Variants in FBXW7 observed in about 807,000 individuals in gnomAD.
FBXW7 encodes F-box/WD repeat-containing protein 7.
Under a neutral mutation model 86.3 loss-of-function variants are expected in FBXW7, and 11 were observed. The observed-to-expected ratio is 0.13, with a 90% confidence interval of 0.08 to 0.21. The LOEUF (loss-of-function observed/expected upper bound fraction) is 0.21. FBXW7 is among the 10% of genes least tolerant of loss of function. FBXW7 has a pLI of 1.00. For synonymous variants in FBXW7, 313 were observed against 297.9 expected (o/e 1.05, Z -0.52); for missense variants, 488 against 847.4 (o/e 0.58, Z 5.27).
chr4:152,392,339 T>A (rs1736062314), intron 4 of FBXW7, among the ~76,000 whole-genome samples: 1 of 152,140 alleles, frequency 6.6e-6, no homozygotes, highest in Non-Finnish European at 1.5e-5. Flanking sequence ...AGCTTCCACC[T>A]TGCTTGCTGG....
At chr4:152,368,396 CGTGTGTGCGGATGCATGCATGTGT>C (rs2126726297) in intron 4 of FBXW7, among the ~76,000 whole-genome samples, 1 of 151,922 alleles carries the variant, frequency 6.6e-6, no homozygotes, top group East Asian at 1.9e-4. Flanking sequence ...GTGGGATGCC[CGTGTGTGCGGATGCATGCATGTGT>C]GTGTGTTAAA....
At chr4:152,368,195 G>A (rs1733671755) in intron 4 of FBXW7, among the ~76,000 whole-genome samples, 1 of 152,040 alleles carries the variant, frequency 6.6e-6, no homozygotes, top group Non-Finnish European at 1.5e-5. Context: ...ACTTCTGCCT[G>A]TTTCCTTCTC....
At chr4:152,513,574 A>T (rs1394256622) in intron 2 of FBXW7, among the ~76,000 whole-genome samples, 1 of 152,252 alleles carries the variant, frequency 6.6e-6, no homozygotes, top group African/African-American at 2.4e-5. Flanking sequence ...CTTTGATTTT[A>T]AAAAGCAACA....
At chr4:152,514,335 T>C (rs1748261737) in intron 2 of FBXW7, among the ~76,000 whole-genome samples, 2 of 152,150 alleles carry the variant, frequency 1.3e-5, no homozygotes, top group African/African-American at 4.8e-5. Flanking sequence ...CCAAGGAGCA[T>C]GAAACAAGTG....
intron 6 of FBXW7, among the ~76,000 whole-genome samples, chr4:152,338,553 A>G (rs1009132058): frequency 1.3e-5 from 2 of 152,118 alleles, no homozygotes; most frequent in Non-Finnish European, 1.5e-5. Flanking sequence ...ATGAGAATAT[A>G]AACAAAGGCC....
At chr4:152,472,903 A>C (rs1245488172) in intron 2 of FBXW7, among the ~76,000 whole-genome samples, 1 of 152,198 alleles carries the variant, frequency 6.6e-6, no homozygotes, top group Non-Finnish European at 1.5e-5. Context: ...TATTTATTAT[A>C]TAAAGGTAAA....
intron 4 of FBXW7, among the ~76,000 whole-genome samples, chr4:152,374,183 C>T (rs1420341500): frequency 6.6e-6 from 1 of 151,926 alleles, no homozygotes; most frequent in Non-Finnish European, 1.5e-5. Context: ...AACCCCACCA[C>T]AAAACAGGTA....
intron 2 of FBXW7, among the ~76,000 whole-genome samples, chr4:152,477,210 T>C (rs565473135): frequency 2.6e-5 from 4 of 152,228 alleles, no homozygotes; most frequent in Admixed American, 2.0e-4. Context: ...GGGTAAAATG[T>C]CAAGATTCTT....
At chr4:152,464,238 T>C (rs1401679401) in intron 2 of FBXW7, among the ~76,000 whole-genome samples, 1 of 152,062 alleles carries the variant, frequency 6.6e-6, no homozygotes, top group Non-Finnish European at 1.5e-5. Context: ...TATAACAACC[T>C]TGGAGATAAT....
Position 152,535,944 on chromosome 4 carries a change from G to A in FBXW7, c.-1030C>T. On this transcript the variant is annotated 5_prime_UTR_variant, in exon 1 of 14. Transcript: ENST00000281708. ...CCCAGGTGAGAGCGAAGGTCTCGGC[G>A]GCGGCCAGTGCAGGGGGACTGGATC... 1 of 303,314 alleles carries A rather than the reference G, an allele frequency of 3.3e-6. No individual in the cohort carries two copies. Among genetic ancestry groups the A allele is most frequent in the South Asian group, 1.0e-4 (1 of 9,942 alleles). The allele number at this position is 303,314 out of a possible 1,614,324, so 18.8% of individuals were successfully genotyped here.
In FBXW7 at chr4:152,349,191, T is replaced by C. The variant is rs985294983; in HGVS notation, c.584+851A>G. On this transcript the variant is annotated intron_variant, in intron 5 of 13. Transcript: ENST00000281708. ...ATCTTATAGAATAAAAATAACTAAA[T>C]TGAAATATTTTGAGAGAAAGGAAGA... Among the ~76,000 whole-genome samples the C allele has an allele frequency of 5.9e-5, 9 of 151,978 alleles. 1 individual carries two copies. The highest frequency in any genetic ancestry group is 3.9e-4 in the Admixed American group (6 of 15,224).
chr4:152,362,145 T>C (rs1034568271), intron 4 of FBXW7, among the ~76,000 whole-genome samples: 1 of 152,086 alleles, frequency 6.6e-6, no homozygotes, highest in Non-Finnish European at 1.5e-5. Flanking sequence ...TAAACAAATA[T>C]GAATTATAAC....
At chr4:152,457,476 G>A (rs1021314699) in intron 2 of FBXW7, among the ~76,000 whole-genome samples, 8 of 151,848 alleles carry the variant, frequency 5.3e-5, no homozygotes, top group South Asian at 2.1e-4. Context: ...CCCCATCTCT[G>A]CTAAAAATAC....
In FBXW7 at chr4:152,337,783, T is replaced by C; in HGVS notation, c.861+19A>G. ...TATTCAAATAACACCCAATGAAGAA[T>C]GTAATTGATAATCTTTACCTCTTTA... On this transcript the variant is annotated intron_variant, in intron 7 of 13. Coordinates refer to ENST00000281708, the MANE Select transcript of FBXW7 (RefSeq NM_001349798.2). 6.3e-7 allele frequency: 1 copy of C among 1,597,334 alleles called. No individual in the cohort carries two copies. Among genetic ancestry groups the C allele is most frequent in the Non-Finnish European group, 8.5e-7 (1 of 1,173,718 alleles).
At chr4:152,363,795 C>T (rs948424379) in intron 4 of FBXW7, among the ~76,000 whole-genome samples, 53 of 152,192 alleles carry the variant, frequency 3.5e-4, no homozygotes, top group African/African-American at 1.2e-3. Context: ...ATTATTATCT[C>T]TATTTTACAG....
At chr4:152,457,528 C>T (rs2149623351) in intron 2 of FBXW7, among the ~76,000 whole-genome samples, 1 of 151,658 alleles carries the variant, frequency 6.6e-6, no homozygotes, top group African/African-American at 2.4e-5. Context: ...CCTGTAGTCC[C>T]AGCTACTTGG....
At chr4:152,364,316 T>G (rs1450550276) in intron 4 of FBXW7, among the ~76,000 whole-genome samples, 2 of 152,122 alleles carry the variant, frequency 1.3e-5, no homozygotes, top group Non-Finnish European at 2.9e-5. Flanking sequence ...TCCTGCTTTA[T>G]TTCCCTAAAA....
rs1218890236 is a variant in FBXW7 at position 152,426,601 on chromosome 4, G to T, written c.-119-14072C>A. ...CCTGACCTGGTGATCCGCCCGCCTC[G>T]GCCTCCCAAAGGAAGCAACAGAGAT... On this transcript the variant is annotated intron_variant, in intron 2 of 13. Transcript: ENST00000281708. Among the ~76,000 whole-genome samples the T allele has an allele frequency of 2.6e-5, 4 of 152,188 alleles. No individual in the cohort carries two copies. The East Asian group carries it at 7.7e-4, about 29-fold the overall frequency.
At chr4:152,368,629 T>C (rs1048610162) in intron 4 of FBXW7, among the ~76,000 whole-genome samples, 1 of 152,102 alleles carries the variant, frequency 6.6e-6, no homozygotes, top group Non-Finnish European at 1.5e-5. Flanking sequence ...AAAAAGTATG[T>C]TACATTTCTT....
Sources: gnomAD v4.1 joint callset for allele counts (sites outside exome capture counted in the v4.1 genomes callset) on GRCh38, gnomAD v4.1.1 for gene constraint, MANE v1.5 for transcripts, NCBI Gene and HGNC (gene_info 2026-07-23, HGNC 2026-07-21) for gene names.